Variants in TACC3 observed in about 807,000 individuals in gnomAD.
The protein encoded by TACC3 is transforming acidic coiled-coil-containing protein 3.
In TACC3, 52 loss-of-function variants were observed where a neutral mutation model predicts 86.0. The ratio of observed to expected loss-of-function variants is 0.60; its 90% CI spans 0.48 to 0.76. TACC3 has a LOEUF of 0.76. Among genes scored for constraint, TACC3 ranks in the 30% least tolerant of loss-of-function variants. TACC3 has a pLI of 0.00. For missense variants in TACC3, 1,120 were observed against 1,070.4 expected (o/e 1.05, Z -0.65); for synonymous variants, 512 against 430.0 (o/e 1.19, Z -2.36).
Position 1,728,442 on chromosome 4 carries a change from C to A in TACC3, c.1040C>A (p.Thr347Asn). The A allele has an allele frequency of 4.3e-6, 7 of 1,613,774 alleles. No individual in the cohort carries two copies. Among genetic ancestry groups the A allele is most frequent in the Non-Finnish European group, 5.9e-6 (7 of 1,180,044 alleles). ...GAATTTGATGTATCTGATGGCGCCA[C>A]CAGCAAAAGGGCACCCCCACCAAGG... The part of the protein sequence containing the change: ...KLEFDVSDGA[T>N]SKRAPPPRRL... The change falls in exon 4 of 16, where the codon ACC (threonine) becomes AAC (asparagine). Residue 347 changes from threonine to asparagine, a missense_variant. Coordinates refer to ENST00000313288, the MANE Select transcript of TACC3 (RefSeq NM_006342.3).
chr4:1,736,329 A>G (rs1346321889), intron 8 of TACC3, among the ~76,000 whole-genome samples: 1 of 143,744 alleles, frequency 7.0e-6, no homozygotes, highest in Non-Finnish European at 1.5e-5. Context: ...AAGCCGAGGC[A>G]GGAGAATTGC....
chr4:1,720,949 CGGG>C (rs1717297380), upstream of TACC3: 6 of 850,590 alleles, frequency 7.1e-6, no homozygotes, highest in Admixed American at 8.9e-5. The surrounding 1 kb of genome is among the most constrained non-coding windows in gnomAD (Gnocchi z 4.4). Flanking sequence ...CGGCCGCCCG[CGGG>C]GCACTCTAGG....
chr4:1,727,677 T>A lies in TACC3; in HGVS notation c.306-31T>A. On this transcript the variant is annotated intron_variant, in intron 3 of 15. Coordinates refer to ENST00000313288, the MANE Select transcript of TACC3 (RefSeq NM_006342.3). Reference sequence around the variant, plus strand: ...GCCCCTAACCTCACCAGGTACTCGCTGCTTCACGTTGATTAAGTCTCTTTT... The same window carrying A: ...GCCCCTAACCTCACCAGGTACTCGCAGCTTCACGTTGATTAAGTCTCTTTT... The A allele has an allele frequency of 2.6e-6, 4 of 1,544,306 alleles. No individual in the cohort carries two copies. In the South Asian group the frequency reaches 5.0e-5, roughly 19 times the overall value.
chr4:1,740,977 C>A lies in TACC3; in HGVS notation c.2214C>A (p.Gly738=). The A allele has an allele frequency of 6.2e-7, 1 of 1,606,964 alleles. No individual in the cohort carries two copies. Among genetic ancestry groups the A allele is most frequent in the Non-Finnish European group, 8.5e-7 (1 of 1,178,124 alleles). The change falls in exon 13 of 16, where the codon GGC becomes GGA. Residue 738 remains glycine, a synonymous_variant. Transcript: ENST00000313288. The stretch of plus-strand genomic sequence containing the variant: ...AGAAACAGAAAGAGGTGATCGAGGG[C>A]TACCGCAAGGTATGTCTCCGCCACC... ...RFEKQKEVIE[G]YRKNEESLKK...
rs1420347636 is a variant in TACC3, at chr4:1,731,161, C to G, written c.1462-11C>G. ...CTGCACTGCACAGGGTGACTCTGCC[C>G]TTTCCTCCAGGAGAGAGCCTTGAAC... On this transcript the variant is annotated splice_polypyrimidine_tract_variant and intron_variant, in intron 5 of 15. Coordinates refer to ENST00000313288, the MANE Select transcript of TACC3 (RefSeq NM_006342.3). 3.7e-6 allele frequency: 6 copies of G among 1,612,992 alleles called. No individual in the cohort carries two copies. The highest frequency in any genetic ancestry group is 5.1e-6 in the Non-Finnish European group (6 of 1,179,908).
At position 1,730,904 on chromosome 4, in the gene TACC3, C is replaced by T. The variant is rs1349989388; in HGVS notation, c.1403C>T (p.Ser468Leu). ...CTCCCCAGGCAGCTGCATTCAGCCT[C>T]AGCGGAGGACACGCCTGTGGTGCAG... ...PCLSQQLHSASAEDTPVVQLA... is the reference protein window; with the variant it reads ...PCLSQQLHSALAEDTPVVQLA... Residue 468 changes from serine to leucine, a missense_variant, in exon 5 of 16, where the codon TCA (serine) becomes TTA (leucine). Coordinates refer to ENST00000313288, the MANE Select transcript of TACC3 (RefSeq NM_006342.3). 1.2e-6 allele frequency: 2 copies of T among 1,613,350 alleles called. No homozygotes were observed. The highest frequency in any genetic ancestry group is 2.2e-5 in the East Asian group (1 of 44,892).
chr4:1,731,398 C>A, intron 6 of TACC3, 97 bp downstream of exon 6: 1 of 1,439,124 alleles, frequency 6.9e-7, no homozygotes, highest in Admixed American at 1.9e-5. Context: ...GGCAGGTGGT[C>A]ATTTCGCAGG....
In TACC3 at chr4:1,723,457, CA is replaced by C. The variant is rs749068717; in HGVS notation, c.38del (p.Asn13MetfsTer41). The part of the protein sequence containing the change: ...LQVLNDKNVS[N>X]EKNTENCDFL... ...AGGTCTTAAACGACAAAAATGTCAG[CA>C]ATGAAAAAAATACAGAAAATTGCGA... On this transcript the variant is annotated frameshift_variant, in exon 2 of 16. Coordinates refer to ENST00000313288, the MANE Select transcript of TACC3 (RefSeq NM_006342.3). LOFTEE classifies it high-confidence loss of function. The C allele has an allele frequency of 6.2e-7, 1 of 1,613,494 alleles. No homozygotes were observed. Among genetic ancestry groups the C allele is most frequent in the Non-Finnish European group, 8.5e-7 (1 of 1,179,952 alleles).
chr4:1,739,327 C>A, intron 10 of TACC3: 1 of 222,308 alleles, frequency 4.5e-6, no homozygotes. Flanking sequence ...AAAAAGAGAT[C>A]TGAACATACT....
chr4:1,733,710 G>T (rs1020006206), intron 6 of TACC3, among the ~76,000 whole-genome samples: 2 of 152,176 alleles, frequency 1.3e-5, no homozygotes, highest in Non-Finnish European at 2.9e-5. Context: ...AGGTGCGGTG[G>T]CTCACGCCCG....
chr4:1,720,769 G>C (rs1717276259), upstream of TACC3: 1 of 1,592,070 alleles, frequency 6.3e-7, no homozygotes, highest in Non-Finnish European at 8.5e-7. The surrounding 1 kb of genome is among the most constrained non-coding windows in gnomAD (Gnocchi z 4.4). Context: ...GGAACTCGTT[G>C]GGCGTGAACA....
At chr4:1,729,118 G>A (rs1717874919) in intron 4 of TACC3, among the ~76,000 whole-genome samples, 1 of 152,198 alleles carries the variant, frequency 6.6e-6, no homozygotes, top group African/African-American at 2.4e-5. Flanking sequence ...TGACTTGGGT[G>A]TGTAACTCCA....
intron 6 of TACC3, among the ~76,000 whole-genome samples, chr4:1,731,935 A>G (rs1304791486): frequency 6.6e-6 from 1 of 152,272 alleles, no homozygotes; most frequent in East Asian, 1.9e-4. Flanking sequence ...CGCCCGGCCC[A>G]GAACCCCTTG....
chr4:1,739,537 G>A, intron 10 of TACC3, 165 bp from the exon 11 acceptor site: 2 of 641,518 alleles, frequency 3.1e-6, no homozygotes, highest in Non-Finnish European at 5.4e-6. Flanking sequence ...AGGTGGCCTT[G>A]GCCTCGACAG....
At chr4:1,742,092 A>T (rs1307312112) in intron 13 of TACC3, 1 of 152,082 alleles carries the variant, frequency 6.6e-6, no homozygotes, top group African/African-American at 2.4e-5. Context: ...CAAGACCCCC[A>T]TCTCTAAAAT....
At position 1,739,695 on chromosome 4, in the gene TACC3, T is replaced by C. The variant is rs1362986368; in HGVS notation, c.1942-7T>C. 1 of 1,572,700 alleles carries C rather than the reference T, an allele frequency of 6.4e-7. No homozygotes were observed. The highest frequency in any genetic ancestry group is 8.6e-7 in the Non-Finnish European group (1 of 1,160,408). ...CCTGCCTGCTGACTTGGGTGTGGCC[T>C]GAGCAGGTAAAGGCGACACAGGAGG... On this transcript the variant is annotated splice_polypyrimidine_tract_variant and splice_region_variant and intron_variant, in intron 10 of 15. Coordinates refer to ENST00000313288, the MANE Select transcript of TACC3 (RefSeq NM_006342.3).
intron 10 of TACC3, chr4:1,737,904 TCCCCGCAGTCAGCTG>T: frequency 1.5e-6 from 1 of 679,556 alleles, no homozygotes; most frequent in East Asian, 2.8e-5. Context: ...CCACCCAGTG[TCCCCGCAGTCAGCTG>T]CCCACCAGCA....
chr4:1,723,329 G>T, intron 1 of TACC3, 92 bp from the exon 2 acceptor site: 1 of 1,334,248 alleles, frequency 7.5e-7, no homozygotes, highest in South Asian at 1.3e-5. Flanking sequence ...TGTGGGAAGT[G>T]GTCGTGCCCC....
In TACC3 at chr4:1,728,659, A is replaced by G. The variant is rs1033918254; in HGVS notation, c.1257A>G (p.Gly419=). The part of the protein sequence containing the change: ...KMDDPNFIPF[G]GDTKSGCSEA... ...ATGACCCAAACTTCATCCCGTTCGG[A>G]GGTGACACCAAGTCTGGTTGCAGTG... Residue 419 remains glycine (G), a synonymous_variant, in exon 4 of 16, where the codon GGA becomes GGG. Coordinates refer to ENST00000313288, the MANE Select transcript of TACC3 (RefSeq NM_006342.3). The G allele has an allele frequency of 5.6e-6, 9 of 1,613,690 alleles. No individual in the cohort carries two copies. Among genetic ancestry groups the G allele is most frequent in the Non-Finnish European group, 7.6e-6 (9 of 1,180,016 alleles).
Sources: allele counts gnomAD v4.1 joint callset (sites outside exome capture counted in the v4.1 genomes callset), GRCh38; gene constraint gnomAD v4.1.1; non-coding constraint Gnocchi (gnomAD v3.1); transcripts MANE v1.5; gene names NCBI Gene and HGNC (gene_info 2026-07-23, HGNC 2026-07-21).